The following TMPRSS9 variants were observed in gnomAD, a reference collection of about 807,000 sequenced individuals.
The protein encoded by TMPRSS9 is transmembrane protease serine 9.
TMPRSS9 carries 113 observed loss-of-function variants against 111.4 expected under a neutral mutation model. The observed-to-expected ratio is 1.01, with a 90% CI of 0.87 to 1.19. The LOEUF (loss-of-function observed/expected upper bound fraction) is 1.19, where lower values mean the gene tolerates loss of function less well. Among genes scored for constraint, TMPRSS9 ranks in the 50% most tolerant of loss-of-function variants. The pLI is 0.00. For synonymous variants in TMPRSS9, 805 were observed against 659.1 expected (o/e 1.22, Z -3.39); for missense variants, 1,803 against 1,513.1 (o/e 1.19, Z -3.18).
chr19:2,423,948 TGA>T, intron 14 of TMPRSS9, 139 bp from the exon 16 acceptor site: 1 of 884,992 alleles, frequency 1.1e-6, no homozygotes, highest in South Asian at 5.7e-5. Flanking sequence ...CCTTTCCTGC[TGA>T]GTTTTCCTGG....
chr19:2,407,592 T>TTTTTCTTTTC (rs1568182878), intron 7 of TMPRSS9, among the ~76,000 whole-genome samples: 108 of 87,908 alleles, frequency 1.2e-3, no homozygotes, highest in African/African-American at 4.5e-3. Context: ...CACCTGTGAT[T>TTTTTCTTTTC]TTTTTCTTTT....
At chr19:2,420,805 A>C (rs889632164) in intron 13 of TMPRSS9, among the ~76,000 whole-genome samples, 3 of 152,198 alleles carry the variant, frequency 2.0e-5, no homozygotes, top group Admixed American at 1.3e-4. Context: ...TTTGTTCTTT[A>C]TATCTGACAA....
At chr19:2,425,547 C>A in intron 17 of TMPRSS9, 54 bp downstream of exon 18, 1 of 1,466,776 alleles carries the variant, frequency 6.8e-7, no homozygotes, top group Non-Finnish European at 9.0e-7. Flanking sequence ...CCGGGGAGGG[C>A]GGGTTCCCGC....
At chr19:2,416,289 C>T in intron 11 of TMPRSS9, 1 of 543,700 alleles carries the variant, frequency 1.8e-6, no homozygotes, top group East Asian at 3.0e-5. Context: ...GGCATTGGCA[C>T]AGGTGTAGAA....
chr19:2,363,171 G>T (rs1335912228), intron 1 of TMPRSS9, among the ~76,000 whole-genome samples: 1 of 152,222 alleles, frequency 6.6e-6, no homozygotes, highest in Admixed American at 6.5e-5. Flanking sequence ...GGCCCACTGC[G>T]CGCTGGGTCC....
At chr19:2,388,487 C>G (rs928526809), upstream of TMPRSS9, among the ~76,000 whole-genome samples, 7 of 152,154 alleles carry the variant, frequency 4.6e-5, no homozygotes, top group African/African-American at 1.7e-4. Flanking sequence ...GCTTAAGACG[C>G]TGGTAAAGAT....
intron 5 of TMPRSS9, 42 bp downstream of exon 6, chr19:2,402,058 G>A: frequency 6.3e-7 from 1 of 1,591,794 alleles, no homozygotes. Context: ...TGCAGTTACT[G>A]ACAGAGGTTT....
chr19:2,381,409 C>T (rs1481486091), intron 1 of TMPRSS9, among the ~76,000 whole-genome samples: 1 of 151,358 alleles, frequency 6.6e-6, no homozygotes. Flanking sequence ...CTAAATGTGC[C>T]TTTCCAGCTC....
Position 2,424,081 on chromosome 19 carries a change from C to T in TMPRSS9, c.2549-8C>T, listed in dbSNP as rs1420168530. On this transcript the variant is annotated splice_polypyrimidine_tract_variant and splice_region_variant and intron_variant, in intron 14 of 17. Coordinates refer to ENST00000648592, the Ensembl canonical transcript of TMPRSS9. ...GTCCGCCTGCCCACGCGCCTGGCTC[C>T]CCCGCAGACTGTGGCCTGGCGCCGG... is the stretch of plus-strand genomic sequence containing the variant. 7.9e-7 allele frequency: 1 copy of T among 1,271,638 alleles called. No individual in the cohort carries two copies. The highest frequency in any genetic ancestry group is 9.9e-7 in the Non-Finnish European group (1 of 1,006,606). 78.8% of individuals were successfully genotyped at this position (1,271,638 alleles called of 1,614,324 possible).
chr19:2,380,411 C>G (rs559223560), intron 1 of TMPRSS9, among the ~76,000 whole-genome samples: 1 of 151,640 alleles, frequency 6.6e-6, no homozygotes. Context: ...GCCTGGCCAA[C>G]ATGGCAAAAC....
At chr19:2,396,578 C>T in exon 2 of TMPRSS9, 1 of 1,610,994 alleles carries the variant, frequency 6.2e-7, no homozygotes, top group Non-Finnish European at 8.5e-7. Context: ...GACCACACGG[C>T]CGAGCTGCGG....
chr19:2,416,603 C>T (rs146529608), exon 12 of TMPRSS9: 68 of 1,612,538 alleles, frequency 4.2e-5, no homozygotes, highest in Middle Eastern at 1.6e-4. Context: ...GGCGGGAGCC[C>T]GGTGAAGATC....
Position 2,414,145 on chromosome 19 carries a change from G to A in TMPRSS9, c.1573+127G>A, listed in dbSNP as rs529662578. 7.2e-5 allele frequency: 72 copies of A among 997,622 alleles called. 1 individual carries two copies. Among genetic ancestry groups the A allele is most frequent in the Non-Finnish European group, 8.4e-5 (59 of 701,322 alleles). The allele number at this position is 997,622 out of a possible 1,614,324, so 61.8% of individuals were successfully genotyped here. Reference sequence around the variant, plus strand: ...TCAAGGAAAGGTCACATGTGTATCCGTTTATTCCCATCTTACGTTGCGTGT... The same window carrying A: ...TCAAGGAAAGGTCACATGTGTATCCATTTATTCCCATCTTACGTTGCGTGT... On this transcript the variant is annotated intron_variant, in intron 10 of 17. Transcript: ENST00000648592.
intron 14 of TMPRSS9, 119 bp from the exon 16 acceptor site, chr19:2,423,970 C>A: frequency 9.2e-7 from 1 of 1,085,650 alleles, no homozygotes; most frequent in South Asian, 4.5e-5. Flanking sequence ...GGATAGGTCC[C>A]CCATCACAAC....
chr19:2,366,714 G>A (rs550173356), intron 1 of TMPRSS9, among the ~76,000 whole-genome samples: 147 of 152,084 alleles, frequency 9.7e-4, no homozygotes, highest in Middle Eastern at 3.4e-3. Flanking sequence ...AAAATTAGCC[G>A]GGCGTGGTGG....
chr19:2,415,722 C>A (rs763094353), exon 11 of TMPRSS9: 1 of 1,609,490 alleles, frequency 6.2e-7, no homozygotes, highest in Non-Finnish European at 8.5e-7. Context: ...TGGGCGGGTT[C>A]GGAGCTGCCT....
intron 1 of TMPRSS9, 129 bp from the exon 3 acceptor site, chr19:2,396,410 A>T: frequency 1.8e-6 from 2 of 1,141,874 alleles, no homozygotes; most frequent in Non-Finnish European, 2.4e-6. Context: ...GGCGTCGACC[A>T]CCCCACTGCG....
intron 1 of TMPRSS9, among the ~76,000 whole-genome samples, chr19:2,363,376 T>C (rs1202959542): frequency 6.6e-6 from 1 of 151,996 alleles, no homozygotes; most frequent in Non-Finnish European, 1.5e-5. Context: ...CTGTTGTCAC[T>C]GTGGTTGGTT....
intron 8 of TMPRSS9, 60 bp downstream of exon 9, chr19:2,408,690 A>C: frequency 6.4e-7 from 1 of 1,566,420 alleles, no homozygotes; most frequent in Non-Finnish European, 8.7e-7. Context: ...AATAACGCAG[A>C]AAAGGGCCAG....
Sources: allele counts gnomAD v4.1 joint callset (sites outside exome capture counted in the v4.1 genomes callset), GRCh38; gene constraint gnomAD v4.1.1; transcripts MANE v1.5; gene names NCBI Gene and HGNC (gene_info 2026-07-23, HGNC 2026-07-21).